The following MOSPD1 variants were observed in gnomAD, a reference collection of about 807,000 sequenced individuals.
MOSPD1 encodes motile sperm domain-containing protein 1.
A neutral mutation model predicts 16.7 loss-of-function variants in MOSPD1; 5 were observed. That is an observed-to-expected ratio of 0.30 (90% CI 0.16 to 0.63). The LOEUF (loss-of-function observed/expected upper bound fraction) is 0.63, where lower values mean the gene tolerates loss of function less well. Ranked by LOEUF, MOSPD1 falls within the 30% of genes least tolerant of loss-of-function variation. The pLI, the probability that MOSPD1 is intolerant of heterozygous loss-of-function variation, is 0.82. For missense variants in MOSPD1, 104 were observed against 153.6 expected (o/e 0.68, Z 1.71); for synonymous variants, 67 against 59.2 (o/e 1.13, Z -0.61).
rs772669486 is a variant in MOSPD1, at chrX:134,898,625, C to T, written c.230+465G>A. ...ATTTTACAGATGAGTGGTTGCACAA[C>T]TGCTTCCTGTTTATATAGATTAACT... On this transcript the variant is annotated intron_variant, in intron 3 of 5. Transcript: ENST00000370783. Among the ~76,000 whole-genome samples the T allele has an allele frequency of 8.0e-5, 9 of 112,263 alleles. No individual in the cohort carries two copies. In the East Asian group the frequency reaches 2.5e-3, roughly 31 times the overall value.
intron 5 of MOSPD1, among the ~76,000 whole-genome samples, 180 bp from the exon 6 acceptor site, chrX:134,889,372 G>A (rs1331909684): frequency 8.9e-6 from 1 of 112,321 alleles, no homozygotes; most frequent in Non-Finnish European, 1.9e-5. Flanking sequence ...CCAATTTATA[G>A]CAATGGGCAG....
intron 1 of MOSPD1, among the ~76,000 whole-genome samples, chrX:134,908,018 C>T (rs767353702): frequency 8.9e-6 from 1 of 112,620 alleles, no homozygotes; most frequent in South Asian, 3.7e-4. Flanking sequence ...AGCAATACTC[C>T]CACCTTGGCC....
intron 1 of MOSPD1, among the ~76,000 whole-genome samples, chrX:134,911,610 TCTCA>T (rs1437706450): frequency 3.6e-5 from 4 of 112,367 alleles, no homozygotes; most frequent in Non-Finnish European, 7.5e-5. Flanking sequence ...GTTTGGCAGT[TCTCA>T]CTGAGAGTTA....
chrX:134,897,211 C>T (rs908703157), intron 3 of MOSPD1, among the ~76,000 whole-genome samples, 177 bp from the exon 4 acceptor site: 1 of 110,723 alleles, frequency 9.0e-6, no homozygotes, highest in Non-Finnish European at 1.9e-5. Flanking sequence ...ATGAGTAATT[C>T]GGAAACATTG....
At chrX:134,900,004 GACTT>G (rs2082904905) in intron 1 of MOSPD1, 1 of 111,432 alleles carries the variant, frequency 9.0e-6, no homozygotes, top group African/African-American at 3.3e-5. Context: ...TTTTTCCCTT[GACTT>G]ACTTGTATAG....
At chrX:134,907,360 T>C (rs1442736230) in intron 1 of MOSPD1, among the ~76,000 whole-genome samples, 2 of 112,445 alleles carry the variant, frequency 1.8e-5, no homozygotes, top group Non-Finnish European at 3.8e-5. Flanking sequence ...CACAACTAAG[T>C]CTGCATTATC....
At chrX:134,900,742 T>C (rs1231564979) in intron 1 of MOSPD1, among the ~76,000 whole-genome samples, 1 of 111,067 alleles carries the variant, frequency 9.0e-6, no homozygotes, top group Non-Finnish European at 1.9e-5. Flanking sequence ...GTGCCTTTTT[T>C]TTTTTTTAAG....
rs1158790682 is a variant in MOSPD1, at chrX:134,890,428, G to T, written c.610+1051C>A. ...TAATCTGACAACATGATGGATGGTTGGGGGTGGGAATGAATGGGGGAAAGA... is the reference window on the plus strand; with the variant it reads ...TAATCTGACAACATGATGGATGGTTTGGGGTGGGAATGAATGGGGGAAAGA... On this transcript the variant is annotated intron_variant, in intron 5 of 5. Coordinates refer to ENST00000370783, the MANE Select transcript of MOSPD1 (RefSeq NM_019556.3). Among the ~76,000 whole-genome samples the T allele has an allele frequency of 6.4e-5, 7 of 109,471 alleles. No individual in the cohort carries two copies. The East Asian group carries it at 2.0e-3, about 31-fold the overall frequency.
At chrX:134,906,174 C>CTTTTTTTTTTTTT (rs765109385) in intron 1 of MOSPD1, among the ~76,000 whole-genome samples, 13 of 56,655 alleles carry the variant, frequency 2.3e-4, no homozygotes, top group Non-Finnish European at 3.0e-4. Context: ...CCATTTATCA[C>CTTTTTTTTTTTTT]TTTTTTTTTT....
intron 3 of MOSPD1, 97 bp from the exon 4 acceptor site, chrX:134,897,131 G>A: frequency 7.3e-6 from 4 of 546,279 alleles, no homozygotes; most frequent in Non-Finnish European, 1.2e-5. Flanking sequence ...AATATTAACT[G>A]ACTACAACCA....
Position 134,903,689 on chromosome X carries a change from G to A in MOSPD1, c.-101-4155C>T, listed in dbSNP as rs189122250. Among the ~76,000 whole-genome samples the A allele has an allele frequency of 5.6e-3, 534 of 95,227 alleles. 6 individuals carry two copies. Among genetic ancestry groups the A allele is most frequent in the African/African-American group, 0.02 (483 of 24,392 alleles). The allele number at this position is 95,227 out of a possible 115,157, so 82.7% of individuals were successfully genotyped here. A position where few individuals can be genotyped will look rare whatever the true frequency, so the allele number is the denominator to read the frequency against. ...ATCGTACCACTGCACTCCACCCTGG[G>A]TGACAGAGTGAGACTCCATCTCAAA... On this transcript the variant is annotated intron_variant, in intron 1 of 5. Coordinates refer to ENST00000370783, the MANE Select transcript of MOSPD1 (RefSeq NM_019556.3).
intron 3 of MOSPD1, among the ~76,000 whole-genome samples, chrX:134,897,534 ACT>A (rs1427435225): frequency 1.0e-5 from 1 of 96,326 alleles, no homozygotes; most frequent in Non-Finnish European, 2.1e-5. Flanking sequence ...AGAGAGCAAG[ACT>A]CTGTCTTATT....
chrX:134,896,946 C>G lies in MOSPD1; in HGVS notation c.319G>C (p.Ala107Pro). The G allele has an allele frequency of 2.5e-6, 3 of 1,210,001 alleles. No homozygotes were observed. The highest frequency in any genetic ancestry group is 2.2e-6 in the Non-Finnish European group (2 of 894,006). ...LQVSEQSQRK[A>P]LGRKEVVATL... ...GCAACAACCTCTTTTCTTCCCAAAG[C>G]CTTCCTTTGGCTTTGCTCGGAAACT... Residue 107 changes from alanine (A) to proline (P), a missense_variant, in exon 4 of 6, where the codon GCT (alanine) becomes CCT (proline). Physicochemically the swap from Ala to Pro is conservative, Grantham distance 27 (BLOSUM62 -1). Coordinates refer to ENST00000370783, the MANE Select transcript of MOSPD1 (RefSeq NM_019556.3).
intron 1 of MOSPD1, among the ~76,000 whole-genome samples, chrX:134,903,541 G>A (rs1309609366): frequency 3.7e-5 from 4 of 106,952 alleles, no homozygotes; most frequent in Admixed American, 1.0e-4. Flanking sequence ...GTGAAACGCC[G>A]TCTCTATTAA....
chrX:134,911,981 C>T (rs951207422), intron 1 of MOSPD1, among the ~76,000 whole-genome samples: 2 of 112,281 alleles, frequency 1.8e-5, no homozygotes, highest in Non-Finnish European at 1.9e-5. Flanking sequence ...TTCAATTTCC[C>T]GATGAAAAGA....
At chrX:134,901,375 G>A (rs952509522) in intron 1 of MOSPD1, among the ~76,000 whole-genome samples, 5 of 108,385 alleles carry the variant, frequency 4.6e-5, no homozygotes, top group African/African-American at 1.0e-4. Flanking sequence ...TTGGCCGGGC[G>A]CGGTGGCTCA....
intron 1 of MOSPD1, among the ~76,000 whole-genome samples, chrX:134,902,349 G>C (rs1172255206): frequency 9.1e-6 from 1 of 109,361 alleles, no homozygotes; most frequent in Non-Finnish European, 1.9e-5. Context: ...GGAGGTTGCA[G>C]TGAGCCGAGA....
intron 3 of MOSPD1, among the ~76,000 whole-genome samples, chrX:134,898,045 TA>T (rs2148394031): frequency 9.1e-6 from 1 of 109,659 alleles, no homozygotes; most frequent in African/African-American, 3.3e-5. Context: ...TTTTTTTTTT[TA>T]ATTTTTATTT....
At chrX:134,905,477 G>C (rs1318388361) in intron 1 of MOSPD1, among the ~76,000 whole-genome samples, 1 of 110,310 alleles carries the variant, frequency 9.1e-6, no homozygotes, top group African/African-American at 3.3e-5. Flanking sequence ...GAGAGAAATG[G>C]GGGTGGAAGG....
Sources: gnomAD v4.1 joint callset for allele counts (sites outside exome capture counted in the v4.1 genomes callset) on GRCh38, gnomAD v4.1.1 for gene constraint, MANE v1.5 for transcripts, NCBI Gene and HGNC (gene_info 2026-07-23, HGNC 2026-07-21) for gene names.